HERC1: variants seen among roughly 807,000 people sequenced by gnomAD.
HERC1 encodes HECT and RLD domain containing E3 ubiquitin protein ligase family member 1.
A neutral mutation model predicts 554.3 loss-of-function variants in HERC1; 160 were observed. The ratio of observed to expected loss-of-function variants is 0.29; its 90% CI spans 0.25 to 0.33. HERC1 has a LOEUF of 0.33. Ranked by LOEUF, HERC1 falls within the 10% of genes least tolerant of loss-of-function variation. The pLI is 1.00. For synonymous variants in HERC1, 2,175 were observed against 2,131.7 expected (o/e 1.02, Z -0.56); for missense variants, 4,919 against 5,918.5 (o/e 0.83, Z 5.54).
chr15:63,701,817 A>G (rs2072735967), intron 25 of HERC1, among the ~76,000 whole-genome samples: 1 of 150,616 alleles, frequency 6.6e-6, no homozygotes. Context: ...AAGAACTTTA[A>G]TTTTTTTTTT....
Position 63,692,578 on chromosome 15 carries a change from A to C in HERC1, c.5675-12T>G. 6.3e-7 allele frequency: 1 copy of C among 1,587,650 alleles called. No individual in the cohort carries two copies. The highest frequency in any genetic ancestry group is 8.5e-7 in the Non-Finnish European group (1 of 1,170,626). ...TTTCCTAAGAGCAGCTACAGTGAAGAGACAAGTTTACGTTACAACCAAGAG... is the reference window on the plus strand; with the variant it reads ...TTTCCTAAGAGCAGCTACAGTGAAGCGACAAGTTTACGTTACAACCAAGAG... On this transcript the variant is annotated splice_polypyrimidine_tract_variant and intron_variant, in intron 30 of 77. Coordinates refer to ENST00000443617, the MANE Select transcript of HERC1 (RefSeq NM_003922.4). The surrounding 1 kb of genome is among the most constrained non-coding windows in gnomAD (Gnocchi z 4.7).
chr15:63,726,825 T>G (rs1401612185), intron 17 of HERC1, among the ~76,000 whole-genome samples: 1 of 152,166 alleles, frequency 6.6e-6, no homozygotes, highest in East Asian at 1.9e-4. Context: ...CGCGTTCATG[T>G]TATGAGATTA....
At chr15:63,685,869 G>C (rs2071731534) in intron 34 of HERC1, among the ~76,000 whole-genome samples, 1 of 152,216 alleles carries the variant, frequency 6.6e-6, no homozygotes, top group African/African-American at 2.4e-5. Context: ...TTACCTAACT[G>C]ATACAGGCTG....
intron 12 of HERC1, among the ~76,000 whole-genome samples, chr15:63,737,364 T>TTTTTTCCAGATATATATATATATATATCG (rs2074555796): frequency 7.1e-6 from 1 of 140,184 alleles, no homozygotes; most frequent in African/African-American, 2.7e-5. Context: ...TATATATATC[T>TTTTTTCCAGATATATATATATATATATCG]TTTTTCCAGA....
chr15:63,612,446 C>T lies in HERC1; in HGVS notation c.14205G>A (p.Val4735=), dbSNP rs774335909. 6.2e-7 allele frequency: 1 copy of T among 1,614,046 alleles called. No individual in the cohort carries two copies. Among genetic ancestry groups the T allele is most frequent in the Non-Finnish European group, 8.5e-7 (1 of 1,179,900 alleles). The change falls in exon 77 of 78, where the codon GTG becomes GTA. Residue 4735 remains valine, a synonymous_variant. Transcript: ENST00000443617. This position sits in a 1 kb window ranked among gnomAD's most constrained non-coding sequence, Gnocchi z 5.0. ...QMVCGMPEIS[V]EVLKKVVRYR... ...ACCGCACCACTTTCTTCAAGACTTC[C>T]ACAGAGATCTCGGGCATCCCACACA... is the stretch of plus-strand genomic sequence containing the variant.
Position 63,654,286 on chromosome 15 carries a change from G to T in HERC1, c.10123C>A (p.Leu3375Ile). 1 of 1,613,936 alleles carries T rather than the reference G, an allele frequency of 6.2e-7. No individual in the cohort carries two copies. The highest frequency in any genetic ancestry group is 8.5e-7 in the Non-Finnish European group (1 of 1,179,856). The change falls in exon 51 of 78, where the codon CTC (leucine) becomes ATC (isoleucine). Residue 3375 changes from leucine (L) to isoleucine (I), a missense_variant. By Grantham distance (5) the Leu-to-Ile change is conservative. Around this residue, in one of 11 missense-constraint regions of HERC1, gnomAD observed 1,963 missense variants for 2,228.6 expected, o/e 0.88. Coordinates refer to ENST00000443617, the MANE Select transcript of HERC1 (RefSeq NM_003922.4). Reference protein sequence around the residue: ...ELANALAACCLSSRLSSQHRQ... With the variant: ...ELANALAACCISSRLSSQHRQ... Reference sequence around the variant, plus strand: ...TGCTGTGAGGACAGCCTGGAGGAGAGGCAGCAGGCTGCCAGGGCATTAGCC... The same window carrying T: ...TGCTGTGAGGACAGCCTGGAGGAGATGCAGCAGGCTGCCAGGGCATTAGCC...
intron 2 of HERC1, among the ~76,000 whole-genome samples, chr15:63,769,364 G>T (rs2075881042): frequency 6.6e-6 from 1 of 152,132 alleles, no homozygotes; most frequent in Admixed American, 6.5e-5. Flanking sequence ...GAGCTGCAGT[G>T]AGACGAGATC....
Position 63,718,537 on chromosome 15 carries a change from C to A in HERC1, c.3978+37G>T. The A allele has an allele frequency of 6.6e-7, 1 of 1,519,440 alleles. No homozygotes were observed. The highest frequency in any genetic ancestry group is 8.9e-7 in the Non-Finnish European group (1 of 1,126,608). 94.1% of individuals were successfully genotyped at this position (1,519,440 alleles called of 1,614,324 possible). A position where few individuals can be genotyped will look rare whatever the true frequency, so the allele number is the denominator to read the frequency against. The stretch of plus-strand genomic sequence containing the variant: ...ATTTAGAGCTAGCTCTCACAGCTTG[C>A]AGAAAAACATAGAAATTAATTGATT... On this transcript the variant is annotated intron_variant, in intron 21 of 77. Coordinates refer to ENST00000443617, the MANE Select transcript of HERC1 (RefSeq NM_003922.4). The surrounding 1 kb of genome is among the most constrained non-coding windows in gnomAD (Gnocchi z 4.2).
intron 12 of HERC1, among the ~76,000 whole-genome samples, chr15:63,746,096 C>T (rs1196549768): frequency 6.6e-6 from 1 of 151,642 alleles, no homozygotes; most frequent in African/African-American, 2.4e-5. Flanking sequence ...TCTTCTTTTT[C>T]TAATTTCTTA....
At position 63,666,056 on chromosome 15, in the gene HERC1, C is replaced by T. The variant is rs1360576132; in HGVS notation, c.8418G>A (p.Ser2806=). 1.3e-5 allele frequency: 21 copies of T among 1,613,882 alleles called. No homozygotes were observed. The highest frequency in any genetic ancestry group is 1.6e-4 in the Middle Eastern group (1 of 6,084). The change falls in exon 42 of 78, where the codon TCG becomes TCA. Residue 2806 remains serine, a synonymous_variant. Transcript: ENST00000443617. ...CAGGCCTAGAGTCTGCTGTGCTGCC[C>T]GACTGGGGCTCCTCTTCATCCTCAT... ...PGHEDEEEPQ[S]GSTADSRPGA... is the part of the protein sequence containing the mutation.
intron 2 of HERC1, among the ~76,000 whole-genome samples, chr15:63,766,851 A>G (rs12591708): frequency 1.3e-5 from 2 of 151,058 alleles, no homozygotes; most frequent in Admixed American, 6.6e-5. Context: ...CTAATTTTGT[A>G]TTTTTAGCAG....
intron 40 of HERC1, 112 bp downstream of exon 40, chr15:63,669,425 AT>A: frequency 9.8e-7 from 1 of 1,020,358 alleles, no homozygotes; most frequent in Non-Finnish European, 1.5e-6. Flanking sequence ...GTTCCCCTTC[AT>A]TAAAATCACT....
intron 74 of HERC1, 24 bp from the exon 75 acceptor site, chr15:63,616,706 C>A: frequency 6.2e-7 from 1 of 1,605,586 alleles, no homozygotes; most frequent in South Asian, 1.1e-5. Context: ...GGGAATATTT[C>A]AAACAGCATT....
rs187995024 is a variant in HERC1, at chr15:63,667,585, G to A, written c.8207-1113C>T. On this transcript the variant is annotated intron_variant, in intron 40 of 77. Transcript: ENST00000443617. ...AATAATAATTTATTATGGAGCTTAT[G>A]TGTAAAAGTGAAATGTATGAAAACA... 2.7e-3 allele frequency among the ~76,000 whole-genome samples: 406 copies of A among 152,304 alleles called. 1 individual carries two copies. The highest frequency in any genetic ancestry group is 9.2e-3 in the African/African-American group (383 of 41,556).
chr15:63,691,514 T>C (rs2072107443), intron 31 of HERC1, among the ~76,000 whole-genome samples: 1 of 151,350 alleles, frequency 6.6e-6, no homozygotes, highest in African/African-American at 2.4e-5. Flanking sequence ...AGGTAGAAAA[T>C]AGGATACTGA....
At chr15:63,748,533 T>C (rs2075136383) in intron 10 of HERC1, among the ~76,000 whole-genome samples, 1 of 152,198 alleles carries the variant, frequency 6.6e-6, no homozygotes, top group African/African-American at 2.4e-5. Context: ...TACTGAAATC[T>C]ATTAAAAGAC....
intron 1 of HERC1, among the ~76,000 whole-genome samples, chr15:63,821,726 C>CAAAA (rs35074987): frequency 4.8e-5 from 3 of 62,468 alleles, no homozygotes; most frequent in Admixed American, 1.9e-4. Context: ...TACCCTGTCT[C>CAAAA]AAAAAAAAAA....
chr15:63,658,749 CA>C, intron 47 of HERC1, 31 bp from the exon 48 acceptor site: 1 of 1,562,402 alleles, frequency 6.4e-7, no homozygotes, highest in Non-Finnish European at 8.7e-7. Flanking sequence ...TTGTTCTCAA[CA>C]AGGTAAGAAA....
chr15:63,722,134 G>A (rs551520584), intron 19 of HERC1, among the ~76,000 whole-genome samples: 1 of 152,316 alleles, frequency 6.6e-6, no homozygotes, highest in African/African-American at 2.4e-5. Flanking sequence ...CCAAAGTGCT[G>A]AGATTACAGG....
Sources: gnomAD v4.1 joint callset for allele counts (sites outside exome capture counted in the v4.1 genomes callset) on GRCh38, gnomAD v4.1.1 for gene constraint, gnomAD v4.1.1 regional missense constraint, Gnocchi (gnomAD v3.1) non-coding constraint, MANE v1.5 for transcripts, NCBI Gene and HGNC (gene_info 2026-07-23, HGNC 2026-07-21) for gene names.